Variants in PCNT observed in about 807,000 individuals in gnomAD.
The protein encoded by PCNT is pericentrin.
PCNT carries 319 observed loss-of-function variants against 380.4 expected under a neutral mutation model. That is an observed-to-expected ratio of 0.84 (90% CI 0.77 to 0.92). PCNT has a LOEUF of 0.92. PCNT is among the 40% of genes least tolerant of loss of function. The probability of loss-of-function intolerance (pLI) is 0.00; values close to 1 mark genes in which losing one functional copy is unlikely to be tolerated. For synonymous variants in PCNT, 1,845 were observed against 1,735.2 expected (o/e 1.06, Z -1.57); for missense variants, 4,400 against 4,255.3 (o/e 1.03, Z -0.95).
rs35210219 is a variant in PCNT, at chr21:46,349,220, A to T, written c.1207+34A>T. The T allele has an allele frequency of 0.17, 261,264 of 1,567,068 alleles. 27,962 individuals carry two copies. Among genetic ancestry groups the T allele is most frequent in the African/African-American group, 0.49 (36,562 of 73,920 alleles). On this transcript the variant is annotated intron_variant, in intron 7 of 46. Coordinates refer to ENST00000359568, the MANE Select transcript of PCNT (RefSeq NM_006031.6). ...TGAAAATGAGCAAGTTTGGAGTGGG[A>T]CTGAATTTTCCTAGGTAGTACTGGA...
Position 46,334,482 on chromosome 21 carries a change from G to T in PCNT, c.353G>T (p.Gly118Val). 1 of 1,612,898 alleles carries T rather than the reference G, an allele frequency of 6.2e-7. No homozygotes were observed. The highest frequency in any genetic ancestry group is 1.1e-5 in the South Asian group (1 of 91,050). The change falls in exon 3 of 47, where the codon GGG becomes GTG. Residue 118 changes from glycine (G) to valine (V), a missense_variant. Transcript: ENST00000359568. ...AATGACCATCCTCCAGAGCAGTGTGGGATGTTCACAGTCAGTGACCACCCA... is the reference window on the plus strand; with the variant it reads ...AATGACCATCCTCCAGAGCAGTGTGTGATGTTCACAGTCAGTGACCACCCA... ...QVNDHPPEQC[G>V]MFTVSDHPPE...
chr21:46,429,880 G>C, intron 35 of PCNT, 130 bp from the exon 36 acceptor site: 1 of 713,136 alleles, frequency 1.4e-6, no homozygotes, highest in African/African-American at 1.8e-5. Flanking sequence ...AAAGCTTCTA[G>C]TCCACAGAAC....
In PCNT at chr21:46,417,224, C is replaced by T. The variant is rs1393143581; in HGVS notation, c.6921+385C>T. 6.9e-5 allele frequency among the ~76,000 whole-genome samples: 8 copies of T among 116,020 alleles called. No homozygotes were observed. The South Asian group carries it at 1.2e-3, about 17-fold the overall frequency. The allele number at this position is 116,020 out of a possible 152,430, so 76.1% of individuals were successfully genotyped here. On this transcript the variant is annotated intron_variant, in intron 30 of 46. Transcript: ENST00000359568. The stretch of plus-strand genomic sequence containing the variant: ...TTTTTTTTTTTGTGAGATGGAGTCT[C>T]GCTCTGTCACCCAGGCTAGAGTGCA...
intron 2 of PCNT, among the ~76,000 whole-genome samples, chr21:46,334,095 C>T (rs564521230): frequency 5.3e-5 from 8 of 151,584 alleles, no homozygotes; most frequent in Non-Finnish European, 1.2e-4. Flanking sequence ...GTCCCAGCTA[C>T]TAGGGAGGCT....
chr21:46,444,763 G>C lies in PCNT; in HGVS notation c.9909G>C (p.Leu3303Phe). ...CTTCTCAAGATCCAGAACATTCCTTGACAGAGTATATTCACCATTTAGAAG... is the reference window on the plus strand; with the variant it reads ...CTTCTCAAGATCCAGAACATTCCTTCACAGAGTATATTCACCATTTAGAAG... ...LTASQDPEHS[L>F]TEYIHHLEVI... The change falls in exon 46 of 47, where the codon TTG becomes TTC. Residue 3303 changes from leucine (L) to phenylalanine (F), a missense_variant. Transcript: ENST00000359568. The C allele has an allele frequency of 6.2e-7, 1 of 1,612,872 alleles. No homozygotes were observed. Among genetic ancestry groups the C allele is most frequent in the Non-Finnish European group, 8.5e-7 (1 of 1,179,362 alleles).
In PCNT at chr21:46,427,708, G is replaced by A; in HGVS notation, c.7407G>A (p.Gly2469=). 1 of 1,613,846 alleles carries A rather than the reference G, an allele frequency of 6.2e-7. No homozygotes were observed. The highest frequency in any genetic ancestry group is 8.5e-7 in the Non-Finnish European group (1 of 1,179,996). Residue 2469 remains glycine (G), a synonymous_variant, in exon 34 of 47, where the codon GGG becomes GGA. Coordinates refer to ENST00000359568, the MANE Select transcript of PCNT (RefSeq NM_006031.6). ...TTGAAAAAGAGCAGGAGATGCAGGG[G>A]GTTGAGCTGCAGCCCCGACTCAGTG... ...EAFEKEQEMQ[G]VELQPRLSGS...
rs138125797 is a variant in PCNT, at chr21:46,334,318, A to T, written c.268-79A>T. On this transcript the variant is annotated intron_variant, in intron 2 of 46. Coordinates refer to ENST00000359568, the MANE Select transcript of PCNT (RefSeq NM_006031.6). The stretch of plus-strand genomic sequence containing the variant: ...AAATGAAGTCAGCACAGGCCTGCAG[A>T]TAGAGGAGCTGGGAAGGGCCTGAGG... The T allele has an allele frequency of 2.5e-6, 4 of 1,601,832 alleles. No individual in the cohort carries two copies. In the Admixed American group the frequency reaches 5.0e-5, roughly 20 times the overall value.
chr21:46,384,588 A>G lies in PCNT; in HGVS notation c.3313-1244A>G, dbSNP rs1569232148. Among the ~76,000 whole-genome samples the G allele has an allele frequency of 2.1e-5, 3 of 146,104 alleles. 1 individual carries two copies. The highest frequency in any genetic ancestry group is 6.9e-5 in the Admixed American group (1 of 14,482). ...GTTGTGCATTCAGTGGTGGAAGCCC[A>G]TTCACAGTGCTGTACATTCAGTGGC... On this transcript the variant is annotated intron_variant, in intron 16 of 46. Transcript: ENST00000359568.
chr21:46,353,898 G>A (rs1241489693), intron 10 of PCNT, 89 bp from the exon 11 acceptor site: 2 of 1,144,832 alleles, frequency 1.7e-6, no homozygotes, highest in Non-Finnish European at 2.6e-6. Context: ...AGGCGCCTCT[G>A]CTGTGAGCAG....
rs536139136 is a variant in PCNT, at chr21:46,349,615, T to C, written c.1208-69T>C. On this transcript the variant is annotated intron_variant, in intron 7 of 46. Coordinates refer to ENST00000359568, the MANE Select transcript of PCNT (RefSeq NM_006031.6). Reference sequence around the variant, plus strand: ...TGGCAGCGCTCTGGGTGCACCATTATTGTCACTGAGGTCGCTGTTGAGGAG... The same window carrying C: ...TGGCAGCGCTCTGGGTGCACCATTACTGTCACTGAGGTCGCTGTTGAGGAG... 2.2e-5 allele frequency: 34 copies of C among 1,533,010 alleles called. No individual in the cohort carries two copies. In the South Asian group the frequency reaches 3.6e-4, roughly 16 times the overall value. 95.0% of individuals were successfully genotyped at this position (1,533,010 alleles called of 1,614,324 possible). A position where few individuals can be genotyped will look rare whatever the true frequency, so the allele number is the denominator to read the frequency against.
At chr21:46,369,095 T>C (rs1178285248) in intron 15 of PCNT, among the ~76,000 whole-genome samples, 1 of 152,228 alleles carries the variant, frequency 6.6e-6, no homozygotes, top group African/African-American at 2.4e-5. Context: ...GCATGTGATC[T>C]TGGGGGAATT....
rs1012620776 is a variant in PCNT at position 46,383,811 on chromosome 21, C to T, written c.3312+1971C>T. Among the ~76,000 whole-genome samples the T allele has an allele frequency of 1.1e-4, 16 of 143,688 alleles. No individual in the cohort carries two copies. In the East Asian group the frequency reaches 1.6e-3, roughly 14 times the overall value. The allele number at this position is 143,688 out of a possible 152,430, so 94.3% of individuals were successfully genotyped here. A position where few individuals can be genotyped will look rare whatever the true frequency, so the allele number is the denominator to read the frequency against. ...GCGTTCAGTGGCAGAAGCGCATTCACGGTGTTGTGCGTTCAGTGGCGGAAG... is the reference window on the plus strand; with the variant it reads ...GCGTTCAGTGGCAGAAGCGCATTCATGGTGTTGTGCGTTCAGTGGCGGAAG... On this transcript the variant is annotated intron_variant, in intron 16 of 46. Transcript: ENST00000359568.
At chr21:46,436,469 G>GCCCCCCCCCCCCCCCCCCCCCCCCCC (rs769557050) in intron 39 of PCNT, among the ~76,000 whole-genome samples, 3 of 39,988 alleles carry the variant, frequency 7.5e-5, no homozygotes, top group African/African-American at 7.5e-5. Context: ...AGCCTCCTGT[G>GCCCCCCCCCCCCCCCCCCCCCCCCCC]GCCCCCCCCC....
rs201139850 is a variant in PCNT, at chr21:46,391,299, C to T, written c.4139C>T (p.Ala1380Val). ...RQLQQAAQEQ[A>V]ALREECTRLW... is the part of the protein sequence containing the mutation. Reference sequence around the variant, plus strand: ...CTGCAGCAGGCGGCCCAGGAGCAGGCGGCGCTGAGGGAGGAGTGCACCCGT... The same window carrying T: ...CTGCAGCAGGCGGCCCAGGAGCAGGTGGCGCTGAGGGAGGAGTGCACCCGT... The change falls in exon 21 of 47, where the codon GCG (alanine) becomes GTG (valine). Residue 1380 changes from alanine (A) to valine (V), a missense_variant. Coordinates refer to ENST00000359568, the MANE Select transcript of PCNT (RefSeq NM_006031.6). 232 of 1,574,726 alleles carry T rather than the reference C, an allele frequency of 1.5e-4. 3 individuals carry two copies. In the African/African-American group the frequency reaches 2.7e-3, roughly 19 times the overall value.
rs1020296196 is a variant in PCNT, at chr21:46,388,510, A to G, written c.3465-232A>G. Among the ~76,000 whole-genome samples the G allele has an allele frequency of 1.3e-5, 2 of 152,220 alleles. No homozygotes were observed. Among genetic ancestry groups the G allele is most frequent in the African/African-American group, 4.8e-5 (2 of 41,458 alleles). On this transcript the variant is annotated intron_variant, in intron 17 of 46. Coordinates refer to ENST00000359568, the MANE Select transcript of PCNT (RefSeq NM_006031.6). The surrounding 1 kb of genome is among the most constrained non-coding windows in gnomAD (Gnocchi z 4.2). Reference sequence around the variant, plus strand: ...TTACACATCAGAAATGGCATCAGGAAGACCTCACCTAGGAAAGCCCGTGTC... The same window carrying G: ...TTACACATCAGAAATGGCATCAGGAGGACCTCACCTAGGAAAGCCCGTGTC...
At chr21:46,393,925 C>G (rs1601944679) in intron 21 of PCNT, among the ~76,000 whole-genome samples, 1 of 152,336 alleles carries the variant, frequency 6.6e-6, no homozygotes, top group East Asian at 1.9e-4. Context: ...TTACCATGGG[C>G]CTTGCAGTGG....
chr21:46,376,091 C>T (rs1444682399), intron 15 of PCNT, among the ~76,000 whole-genome samples: 1 of 152,038 alleles, frequency 6.6e-6, no homozygotes, highest in Admixed American at 6.5e-5. Context: ...GCCCTCTACC[C>T]TCTCCGTCTG....
intron 12 of PCNT, among the ~76,000 whole-genome samples, chr21:46,356,349 C>T (rs943744356): frequency 1.4e-4 from 21 of 152,210 alleles, no homozygotes; most frequent in East Asian, 5.8e-4. Context: ...GGTGCAGCGG[C>T]GCCTGCATCT....
intron 38 of PCNT, among the ~76,000 whole-genome samples, chr21:46,435,377 C>T (rs2053406392): frequency 6.6e-6 from 1 of 151,952 alleles, no homozygotes; most frequent in African/African-American, 2.4e-5. Context: ...AGGTGCGCAC[C>T]ACCACGCCCA....
Sources: gnomAD v4.1 joint callset for allele counts (sites outside exome capture counted in the v4.1 genomes callset) on GRCh38, gnomAD v4.1.1 for gene constraint, Gnocchi (gnomAD v3.1) non-coding constraint, MANE v1.5 for transcripts, NCBI Gene and HGNC (gene_info 2026-07-23, HGNC 2026-07-21) for gene names.